The following BBS9 variants were observed in gnomAD, a reference collection of about 807,000 sequenced individuals.
BBS9 encodes Bardet-Biedl syndrome 9.
A neutral mutation model predicts 117.7 loss-of-function variants in BBS9; 89 were observed. The ratio of observed to expected loss-of-function variants is 0.76; its 90% CI spans 0.64 to 0.90. BBS9 has a LOEUF of 0.90. BBS9 is among the 40% of genes least tolerant of loss of function. The pLI is 0.00. For synonymous variants in BBS9, 379 were observed against 370.9 expected (o/e 1.02, Z -0.25); for missense variants, 982 against 1,042.2 (o/e 0.94, Z 0.80).
In BBS9 at chr7:33,534,733, C is replaced by T. The variant is rs532619357; in HGVS notation, c.2521+557C>T. ...CCCTCCATGGGCAGTCAGTGATGGT[C>T]GTGGGCACCCAGGGCTGTCCTTCCC... On this transcript the variant is annotated intron_variant, in intron 21 of 22. Coordinates refer to ENST00000242067, the MANE Select transcript of BBS9 (RefSeq NM_198428.3). 2.6e-5 allele frequency among the ~76,000 whole-genome samples: 4 copies of T among 152,220 alleles called. No homozygotes were observed. In the South Asian group the frequency reaches 8.3e-4, roughly 32 times the overall value.
At chr7:33,152,680 T>A (rs1159760234) in intron 2 of BBS9, 21 bp from the exon 3 acceptor site, 4 of 1,601,546 alleles carry the variant, frequency 2.5e-6, no homozygotes, top group Non-Finnish European at 3.4e-6. Flanking sequence ...CTCTATCTTT[T>A]TTTTTTTAAA....
rs140821420 is a variant in BBS9, at chr7:33,273,045, C to T, written c.736C>T (p.Leu246Phe). The T allele has an allele frequency of 3.1e-4, 493 of 1,613,438 alleles. 1 individual carries two copies. Among genetic ancestry groups the T allele is most frequent in the Non-Finnish European group, 4.0e-4 (473 of 1,179,752 alleles). Residue 246 changes from leucine (L) to phenylalanine (F), a missense_variant, in exon 8 of 23, where the codon CTT becomes TTT. Transcript: ENST00000242067. ...GACTCTAAATATTGGAGAGCAAGCCCTTGACATATGTATTGTCTCTTTCAA... is the reference window on the plus strand; with the variant it reads ...GACTCTAAATATTGGAGAGCAAGCCTTTGACATATGTATTGTCTCTTTCAA... ...DWTLNIGEQA[L>F]DICIVSFNQS... is the part of the protein sequence containing the mutation.
At chr7:33,541,639 A>G (rs1486126563) in intron 21 of BBS9, among the ~76,000 whole-genome samples, 1 of 152,254 alleles carries the variant, frequency 6.6e-6, no homozygotes, top group African/African-American at 2.4e-5. Flanking sequence ...AAGTTCTAGT[A>G]CATACTACAA....
intron 9 of BBS9, among the ~76,000 whole-genome samples, chr7:33,281,366 C>CTTT (rs397890694): frequency 1.5e-3 from 67 of 43,896 alleles, no homozygotes; most frequent in Non-Finnish European, 1.7e-3. Flanking sequence ...TGGTCTATGC[C>CTTT]TTTTTTTTTT....
intron 3 of BBS9, 122 bp from the exon 4 acceptor site, chr7:33,155,516 T>C: frequency 1.5e-6 from 1 of 654,806 alleles, no homozygotes; most frequent in Non-Finnish European, 2.7e-6. Flanking sequence ...TGTTATCTAA[T>C]GAATTGTTTT....
Position 33,152,825 on chromosome 7 carries a change from T to C in BBS9, c.237T>C (p.Leu79=), listed in dbSNP as rs1196573951. 1 of 1,613,928 alleles carries C rather than the reference T, an allele frequency of 6.2e-7. No individual in the cohort carries two copies. The highest frequency in any genetic ancestry group is 8.5e-7 in the Non-Finnish European group (1 of 1,179,982). ...LLEVDLRDPV[L]QVEVGKFVSG... is the part of the protein sequence containing the mutation. Reference sequence around the variant, plus strand: ...AAGTGGATCTACGAGATCCAGTACTTCAAGTGGAAGTAGGAAAGTTTGTTT... The same window carrying C: ...AAGTGGATCTACGAGATCCAGTACTCCAAGTGGAAGTAGGAAAGTTTGTTT... The change falls in exon 3 of 23, where the codon CTT becomes CTC. Residue 79 remains leucine (L), a synonymous_variant. Coordinates refer to ENST00000242067, the MANE Select transcript of BBS9 (RefSeq NM_198428.3).
At chr7:33,516,796 G>A (rs992589845) in intron 20 of BBS9, among the ~76,000 whole-genome samples, 1 of 152,286 alleles carries the variant, frequency 6.6e-6, no homozygotes, top group East Asian at 1.9e-4. Flanking sequence ...TTTAAATTTG[G>A]TCTATTGCCT....
chr7:33,337,140 T>C (rs927547955), intron 10 of BBS9, among the ~76,000 whole-genome samples: 3 of 152,162 alleles, frequency 2.0e-5, no homozygotes, highest in African/African-American at 7.2e-5. Flanking sequence ...TGATTTCTAA[T>C]GACTCAGAGG....
At chr7:33,328,246 C>A (rs1279829981) in intron 9 of BBS9, among the ~76,000 whole-genome samples, 1 of 152,204 alleles carries the variant, frequency 6.6e-6, no homozygotes, top group Non-Finnish European at 1.5e-5. Context: ...CTCTCTCATG[C>A]AGGCCCATTG....
At chr7:33,336,126 A>G (rs1815308513) in intron 9 of BBS9, among the ~76,000 whole-genome samples, 1 of 152,144 alleles carries the variant, frequency 6.6e-6, no homozygotes, top group South Asian at 2.1e-4. Flanking sequence ...TAGTAGCTGG[A>G]AGGAGGATTA....
chr7:33,469,770 G>T (rs999791172), intron 19 of BBS9, among the ~76,000 whole-genome samples: 2 of 152,042 alleles, frequency 1.3e-5, no homozygotes, highest in African/African-American at 4.8e-5. Flanking sequence ...AAAGAAAGCT[G>T]CCTGGCCCTT....
At chr7:33,517,553 C>T (rs1005328940) in intron 20 of BBS9, among the ~76,000 whole-genome samples, 30 of 152,196 alleles carry the variant, frequency 2.0e-4, no homozygotes, top group Admixed American at 1.4e-3. Flanking sequence ...CACCCGTTGC[C>T]GCTCAACAGC....
intron 17 of BBS9, among the ~76,000 whole-genome samples, chr7:33,374,211 T>C (rs1823384917): frequency 6.6e-6 from 1 of 152,140 alleles, no homozygotes; most frequent in African/African-American, 2.4e-5. Context: ...TAGGAGACTA[T>C]CAAGTGGAGG....
At chr7:33,244,043 A>G (rs1297134374) in intron 5 of BBS9, among the ~76,000 whole-genome samples, 1 of 152,100 alleles carries the variant, frequency 6.6e-6, no homozygotes, top group African/African-American at 2.4e-5. Flanking sequence ...TGGCCAACCA[A>G]CATGATGAAA....
At chr7:33,269,856 C>T (rs1230427069) in intron 7 of BBS9, among the ~76,000 whole-genome samples, 1 of 151,936 alleles carries the variant, frequency 6.6e-6, no homozygotes, top group Non-Finnish European at 1.5e-5. Flanking sequence ...AACCCTGTCT[C>T]TACTAAAAAT....
intron 7 of BBS9, among the ~76,000 whole-genome samples, chr7:33,269,779 C>G (rs1364226501): frequency 6.6e-6 from 1 of 150,734 alleles, no homozygotes; most frequent in African/African-American, 2.4e-5. Context: ...AATCCCAGCA[C>G]TTTGGGAGGC....
chr7:33,177,639 G>GAATT (rs1797523562), intron 5 of BBS9, 48 bp downstream of exon 5: 2 of 1,298,370 alleles, frequency 1.5e-6, no homozygotes, highest in Non-Finnish European at 2.2e-6. Context: ...GACAGATTTA[G>GAATT]AATATTTGGT....
intron 21 of BBS9, among the ~76,000 whole-genome samples, chr7:33,611,640 A>G (rs1400656731): frequency 1.8e-5 from 2 of 112,264 alleles, no homozygotes; most frequent in South Asian, 2.7e-4. Flanking sequence ...ATATTATTAT[A>G]TAAGGTATAT....
intron 19 of BBS9, among the ~76,000 whole-genome samples, chr7:33,451,436 A>G (rs896256160): frequency 2.6e-5 from 4 of 152,056 alleles, no homozygotes; most frequent in African/African-American, 9.7e-5. Context: ...TCTCAATATT[A>G]TTTGTAGAAG....
Sources: gnomAD v4.1 joint callset for allele counts (sites outside exome capture counted in the v4.1 genomes callset) on GRCh38, gnomAD v4.1.1 for gene constraint, MANE v1.5 for transcripts, NCBI Gene and HGNC (gene_info 2026-07-23, HGNC 2026-07-21) for gene names.